The following LPCAT1 variants were observed in gnomAD, a reference collection of about 807,000 sequenced individuals.
LPCAT1 encodes the protein lysophosphatidylcholine acyltransferase 1.
In LPCAT1, 23 loss-of-function variants were observed where a neutral mutation model predicts 60.9. The ratio of observed to expected loss-of-function variants is 0.38; its 90% CI spans 0.27 to 0.53. The LOEUF is 0.53. Among genes scored for constraint, LPCAT1 ranks in the 20% least tolerant of loss-of-function variants. LPCAT1 has a pLI of 0.82. For missense variants in LPCAT1, 622 were observed against 723.6 expected (o/e 0.86, Z 1.61); for synonymous variants, 340 against 301.1 (o/e 1.13, Z -1.34).
At chr5:1,518,161 G>A (rs1736562745) in intron 1 of LPCAT1, among the ~76,000 whole-genome samples, 1 of 152,194 alleles carries the variant, frequency 6.6e-6, no homozygotes, top group Admixed American at 6.5e-5. Context: ...GGGATGCACC[G>A]TGGCCCCATG....
chr5:1,467,011 G>T, intron 12 of LPCAT1, 121 bp from the exon 13 acceptor site: 1 of 1,128,648 alleles, frequency 8.9e-7, no homozygotes, highest in East Asian at 3.0e-5. Context: ...CTGCAGGGCC[G>T]GCGGCTGGAC....
At chr5:1,472,917 A>G (rs1181847377) in intron 11 of LPCAT1, among the ~76,000 whole-genome samples, 1 of 152,092 alleles carries the variant, frequency 6.6e-6, no homozygotes, top group Non-Finnish European at 1.5e-5. Flanking sequence ...TGAGCCACGC[A>G]CTGTGATCCT....
Position 1,480,388 on chromosome 5 carries a change from T to G in LPCAT1, c.761+554A>C, listed in dbSNP as rs939118743. On this transcript the variant is annotated intron_variant, in intron 7 of 13. Coordinates refer to ENST00000283415, the MANE Select transcript of LPCAT1 (RefSeq NM_024830.5). The surrounding 1 kb of genome is among the most constrained non-coding windows in gnomAD (Gnocchi z 6.4). ...CTCTCTTGGACTTTCCCGCTCCCTC[T>G]GCCCTCCCGACGTCAGCTCAGACGT... 21 of 985,222 alleles carry G rather than the reference T, an allele frequency of 2.1e-5. No individual in the cohort carries two copies. The highest frequency in any genetic ancestry group is 4.7e-5 in the South Asian group (1 of 21,294). 61.0% of individuals were successfully genotyped at this position (985,222 alleles called of 1,614,324 possible). A position where few individuals can be genotyped will look rare whatever the true frequency, so the allele number is the denominator to read the frequency against.
At chr5:1,492,032 T>C (rs1360779756) in intron 3 of LPCAT1, among the ~76,000 whole-genome samples, 3 of 150,976 alleles carry the variant, frequency 2.0e-5, no homozygotes, top group Non-Finnish European at 4.4e-5. Flanking sequence ...GAGATGTCTC[T>C]GAGCTGGAAA....
rs112134359 is a variant in LPCAT1, at chr5:1,463,957, C to T, written c.1421-122G>A. On this transcript the variant is annotated intron_variant, in intron 13 of 13. Transcript: ENST00000283415. The stretch of plus-strand genomic sequence containing the variant: ...CACGCCCTCCAGGGAGGGTTAGAAT[C>T]GTCTGTGAAACGGATGCTTTCAGGG... 1,732 of 987,872 alleles carry T rather than the reference C, an allele frequency of 1.8e-3. 25 individuals are homozygous for T. In the African/African-American group the frequency reaches 0.025, roughly 14 times the overall value. 61.2% of individuals were successfully genotyped at this position (987,872 alleles called of 1,614,324 possible).
chr5:1,522,514 G>C lies in LPCAT1; in HGVS notation c.135+1196C>G, dbSNP rs1015591229. ...GACCTCACCCTGTGTGTCACCAGGA[G>C]GGGCGGCACCATCGGGCTCTCCTGC... is the stretch of plus-strand genomic sequence containing the variant. On this transcript the variant is annotated intron_variant, in intron 1 of 13. Transcript: ENST00000283415. This position sits in a 1 kb window ranked among gnomAD's most constrained non-coding sequence, Gnocchi z 6.8. Among the ~76,000 whole-genome samples, 2 of 152,180 alleles carry C rather than the reference G, an allele frequency of 1.3e-5. No individual in the cohort carries two copies. The highest frequency in any genetic ancestry group is 2.9e-5 in the Non-Finnish European group (2 of 68,020).
At position 1,476,439 on chromosome 5, in the gene LPCAT1, C is replaced by T. The variant is rs1734922096; in HGVS notation, c.899+965G>A. Among the ~76,000 whole-genome samples, 1 of 152,034 alleles carries T rather than the reference C, an allele frequency of 6.6e-6. No individual in the cohort carries two copies. Among genetic ancestry groups the T allele is most frequent in the Non-Finnish European group, 1.5e-5 (1 of 68,016 alleles). On this transcript the variant is annotated intron_variant, in intron 9 of 13. Transcript: ENST00000283415. This position sits in a 1 kb window ranked among gnomAD's most constrained non-coding sequence, Gnocchi z 8.6. Reference sequence around the variant, plus strand: ...CCCAGCTGAATCTTCAGGGTGTCAGCGGAGTGTGAACAAAGTGGCTCGGAG... The same window carrying T: ...CCCAGCTGAATCTTCAGGGTGTCAGTGGAGTGTGAACAAAGTGGCTCGGAG...
chr5:1,464,419 T>C (rs1734238961), intron 13 of LPCAT1, among the ~76,000 whole-genome samples: 2 of 152,184 alleles, frequency 1.3e-5, no homozygotes, highest in South Asian at 2.1e-4. Flanking sequence ...ACTCAGAACC[T>C]GGGCCACCCG....
intron 1 of LPCAT1, among the ~76,000 whole-genome samples, chr5:1,518,343 T>C (rs1221108719): frequency 6.6e-6 from 1 of 152,246 alleles, no homozygotes; most frequent in Admixed American, 6.5e-5. Context: ...ACTTTTTCTT[T>C]ATCTTTTTCT....
At chr5:1,505,668 G>A (rs998986584) in intron 1 of LPCAT1, among the ~76,000 whole-genome samples, 9 of 152,166 alleles carry the variant, frequency 5.9e-5, no homozygotes, top group African/African-American at 1.2e-4. Context: ...GCACCCCCAC[G>A]CCTGCTCCTG....
At position 1,467,809 on chromosome 5, in the gene LPCAT1, T is replaced by G. The variant is rs553100585; in HGVS notation, c.1279-919A>C. Among the ~76,000 whole-genome samples, 132 of 152,224 alleles carry G rather than the reference T, an allele frequency of 8.7e-4. 1 individual carries two copies. The highest frequency in any genetic ancestry group is 3.1e-3 in the African/African-American group (128 of 41,538). On this transcript the variant is annotated intron_variant, in intron 12 of 13. Transcript: ENST00000283415. ...GCTCCAACCCCTGGGCTCCCTCAGA[T>G]GGGCCAGCTCTTCTACCTGGTTCTT...
At chr5:1,512,397 T>C (rs1311206330) in intron 1 of LPCAT1, among the ~76,000 whole-genome samples, 1 of 152,148 alleles carries the variant, frequency 6.6e-6, no homozygotes, top group Non-Finnish European at 1.5e-5. Context: ...CACTAGAGCC[T>C]CCCTCTCACT....
chr5:1,488,335 C>T, intron 5 of LPCAT1, 56 bp downstream of exon 5: 19 of 1,134,024 alleles, frequency 1.7e-5, no homozygotes, highest in Non-Finnish European at 2.3e-5. Flanking sequence ...AAAAACATCT[C>T]TTTAATATTT....
At position 1,462,081 on chromosome 5, in the gene LPCAT1, A is replaced by C. The variant is rs1734119124; in HGVS notation, c.*1570T>G. 1 of 152,486 alleles carries C rather than the reference A, an allele frequency of 6.6e-6. No individual in the cohort carries two copies. The allele number at this position is 152,486 out of a possible 1,614,324, so 9.4% of individuals were successfully genotyped here. ...GAAACGGAGCTGAAGGTTGTTTTTA[A>C]ATGTCTGTCAGTGGAGAAACGCGTA... On this transcript the variant is annotated 3_prime_UTR_variant, in exon 14 of 14. Transcript: ENST00000283415.
At chr5:1,506,863 GA>G (rs1736202439) in intron 1 of LPCAT1, among the ~76,000 whole-genome samples, 1 of 152,200 alleles carries the variant, frequency 6.6e-6, no homozygotes, top group Non-Finnish European at 1.5e-5. Context: ...CAGCCACAGG[GA>G]CACCTGTCAG....
intron 13 of LPCAT1, among the ~76,000 whole-genome samples, chr5:1,464,996 CACAA>C (rs1311593874): frequency 6.6e-6 from 1 of 150,922 alleles, no homozygotes; most frequent in Non-Finnish European, 1.5e-5. Flanking sequence ...AGTGCAGGCA[CACAA>C]TAACATGCAC....
Position 1,480,908 on chromosome 5 carries a change from C to T in LPCAT1, c.761+34G>A, listed in dbSNP as rs747702291. 37 of 1,613,466 alleles carry T rather than the reference C, an allele frequency of 2.3e-5. No homozygotes were observed. The highest frequency in any genetic ancestry group is 1.7e-6 in the Non-Finnish European group (2 of 1,179,804). Reference sequence around the variant, plus strand: ...CAGCCCCTACGTGTTCATGGAACAACAGGACAAAGAGGACGACACGGCGTT... The same window carrying T: ...CAGCCCCTACGTGTTCATGGAACAATAGGACAAAGAGGACGACACGGCGTT... On this transcript the variant is annotated intron_variant, in intron 7 of 13. Coordinates refer to ENST00000283415, the MANE Select transcript of LPCAT1 (RefSeq NM_024830.5). The surrounding 1 kb of genome is among the most constrained non-coding windows in gnomAD (Gnocchi z 6.4).
At chr5:1,508,855 G>A (rs1370130811) in intron 1 of LPCAT1, among the ~76,000 whole-genome samples, 1 of 152,274 alleles carries the variant, frequency 6.6e-6, no homozygotes, top group African/African-American at 2.4e-5. Flanking sequence ...CCCCTCCCTC[G>A]TCTCTGCCAA....
intron 12 of LPCAT1, among the ~76,000 whole-genome samples, chr5:1,470,307 C>A (rs2963289): frequency 0.024 from 3,654 of 152,362 alleles, 157 homozygotes; most frequent in African/African-American, 0.084. Context: ...CCCCACTCAG[C>A]CCCCAGGGAG....
Sources: gnomAD v4.1 joint callset for allele counts (sites outside exome capture counted in the v4.1 genomes callset) on GRCh38, gnomAD v4.1.1 for gene constraint, Gnocchi (gnomAD v3.1) non-coding constraint, MANE v1.5 for transcripts, NCBI Gene and HGNC (gene_info 2026-07-23, HGNC 2026-07-21) for gene names.